The following NFIC variants were observed in gnomAD, a reference collection of about 807,000 sequenced individuals.
The protein encoded by NFIC is nuclear factor I C, also known as nuclear factor 1 C-type.
A neutral mutation model predicts 54.4 loss-of-function variants in NFIC; 12 were observed. The observed-to-expected ratio is 0.22, with a 90% CI of 0.14 to 0.36. The LOEUF is 0.36. NFIC is among the 10% of genes least tolerant of loss of function. The pLI is 1.00. For missense variants in NFIC, 575 were observed against 718.2 expected, an observed-to-expected ratio of 0.80 and a Z score of 2.28; for synonymous variants, 322 against 319.2, an observed-to-expected ratio of 1.01 and a Z score of -0.09.
At chr19:3,404,365 TG>T (rs971878341) in intron 2 of NFIC, among the ~76,000 whole-genome samples, 3 of 152,018 alleles carry the variant, frequency 2.0e-5, no homozygotes, top group African/African-American at 7.2e-5. Context: ...TTTTTAACCT[TG>T]CTCCTCACAT....
intron 3 of NFIC, among the ~76,000 whole-genome samples, chr19:3,425,390 A>G (rs1390860001): frequency 6.6e-6 from 1 of 152,170 alleles, no homozygotes; most frequent in Non-Finnish European, 1.5e-5. Flanking sequence ...TGCTCACCCC[A>G]TGGGAGACCC....
In NFIC at chr19:3,467,747, G is replaced by T. The variant is rs1445848651; in HGVS notation, c.*4978G>T. The T allele has an allele frequency of 3.1e-5, 2 of 63,498 alleles. No individual in the cohort carries two copies. Among genetic ancestry groups the T allele is most frequent in the Non-Finnish European group, 5.2e-5 (2 of 38,148 alleles). The allele number at this position is 63,498 out of a possible 1,614,324, so 3.9% of individuals were successfully genotyped here. ...ATGGTACTTTGACCTCCAGTGTAGG[G>T]CTATACTATACATATATATATATAT... On this transcript the variant is annotated 3_prime_UTR_variant, in exon 11 of 11. Coordinates refer to ENST00000443272, the MANE Select transcript of NFIC (RefSeq NM_001245002.2).
At chr19:3,385,634 G>A (rs1170198449) in intron 2 of NFIC, among the ~76,000 whole-genome samples, 1 of 144,612 alleles carries the variant, frequency 6.9e-6, no homozygotes, top group African/African-American at 2.6e-5. Context: ...GTGCAATGAC[G>A]CAATCTTGGC....
rs1409512426 is a variant in NFIC at position 3,370,416 on chromosome 19, T to C, written c.30+3750T>C. On this transcript the variant is annotated intron_variant, in intron 1 of 10. Coordinates refer to ENST00000443272, the MANE Select transcript of NFIC (RefSeq NM_001245002.2). The surrounding 1 kb of genome is among the most constrained non-coding windows in gnomAD (Gnocchi z 5.2). ...CCCCTCTCTGCGGCGGAGGTGCCTC[T>C]GCGCGCCAGGGCCAAGCGCCCTGTA... Among the ~76,000 whole-genome samples, 2 of 151,964 alleles carry C rather than the reference T, an allele frequency of 1.3e-5. No homozygotes were observed. Among genetic ancestry groups the C allele is most frequent in the Non-Finnish European group, 2.9e-5 (2 of 67,928 alleles).
intron 3 of NFIC, among the ~76,000 whole-genome samples, chr19:3,429,297 A>ACACACACAC (rs2082084834): frequency 1.1e-5 from 1 of 88,316 alleles, no homozygotes; most frequent in Non-Finnish European, 2.6e-5. Context: ...CACACACACT[A>ACACACACAC]GCCAAACACG....
At chr19:3,462,213 C>G (rs1310756135) in intron 10 of NFIC, among the ~76,000 whole-genome samples, 2 of 151,514 alleles carry the variant, frequency 1.3e-5, no homozygotes, top group Non-Finnish European at 2.9e-5. Flanking sequence ...GAAACCCCAT[C>G]TCTACTAAAA....
At chr19:3,424,751 C>T (rs949152415) in intron 2 of NFIC, among the ~76,000 whole-genome samples, 5 of 152,226 alleles carry the variant, frequency 3.3e-5, no homozygotes, top group South Asian at 2.1e-4. Context: ...AGCAAGAAAG[C>T]GGCACAGCTG....
In NFIC at chr19:3,373,145, C is replaced by T. The variant is rs575024435; in HGVS notation, c.30+6479C>T. On this transcript the variant is annotated intron_variant, in intron 1 of 10. Transcript: ENST00000443272. Reference sequence around the variant, plus strand: ...CAGGTGTGAGCCACCGCGCCCGGCCCCTATTTCGTAGTAGACGTGATAGCT... The same window carrying T: ...CAGGTGTGAGCCACCGCGCCCGGCCTCTATTTCGTAGTAGACGTGATAGCT... Among the ~76,000 whole-genome samples the T allele has an allele frequency of 2.0e-5, 3 of 152,258 alleles. No individual in the cohort carries two copies. The South Asian group carries it at 6.2e-4, about 32-fold the overall frequency.
At chr19:3,402,050 T>G (rs923818601) in intron 2 of NFIC, among the ~76,000 whole-genome samples, 4 of 151,044 alleles carry the variant, frequency 2.6e-5, no homozygotes. Flanking sequence ...TTCTTATTTT[T>G]TTTTCTTTTT....
In NFIC at chr19:3,453,729, C is replaced by T. The variant is rs375949453; in HGVS notation, c.1270-34C>T. The T allele has an allele frequency of 1.9e-6, 3 of 1,580,020 alleles. No individual in the cohort carries two copies. Among genetic ancestry groups the T allele is most frequent in the Non-Finnish European group, 1.7e-6 (2 of 1,166,832 alleles). Reference sequence around the variant, plus strand: ...AGCAGCCCGAGGTAGAGGGGGAGCCCACCCCTTAACCACGTGTCTCTCTGT... The same window carrying T: ...AGCAGCCCGAGGTAGAGGGGGAGCCTACCCCTTAACCACGTGTCTCTCTGT... On this transcript the variant is annotated intron_variant, in intron 8 of 10. Transcript: ENST00000443272. This position sits in a 1 kb window ranked among gnomAD's most constrained non-coding sequence, Gnocchi z 6.7.
intron 2 of NFIC, among the ~76,000 whole-genome samples, chr19:3,390,870 G>C (rs2081366923): frequency 6.6e-6 from 1 of 151,908 alleles, no homozygotes. Context: ...CTGGGGAGGG[G>C]GCTGGGGAGA....
rs1263034999 is a variant in NFIC, at chr19:3,459,725, C to T, written c.1510-3027C>T. 2.0e-5 allele frequency among the ~76,000 whole-genome samples: 3 copies of T among 152,320 alleles called. No homozygotes were observed. Among genetic ancestry groups the T allele is most frequent in the Admixed American group, 1.3e-4 (2 of 15,306 alleles). ...GGCTGGTCCACCACGGGGAGGGTCA[C>T]GCCCAGAGTCTGTCGGTTGCCAACA... On this transcript the variant is annotated intron_variant, in intron 10 of 10. Transcript: ENST00000443272. The surrounding 1 kb of genome is among the most constrained non-coding windows in gnomAD (Gnocchi z 4.2).
At chr19:3,431,146 G>A (rs957193197) in intron 3 of NFIC, among the ~76,000 whole-genome samples, 2 of 150,780 alleles carry the variant, frequency 1.3e-5, no homozygotes, top group African/African-American at 2.4e-5. Context: ...TCGCGATCTC[G>A]GCCTGTAGCT....
At chr19:3,425,485 A>C (rs1174719353) in intron 3 of NFIC, among the ~76,000 whole-genome samples, 2 of 152,168 alleles carry the variant, frequency 1.3e-5, no homozygotes, top group African/African-American at 4.8e-5. Context: ...TTTGAGATGG[A>C]GTCTCGCTCT....
chr19:3,464,041 G>A lies in NFIC; in HGVS notation c.*1272G>A, dbSNP rs1010210842. ...CACTTCGCAAGCGTCCTGCCCTGCC[G>A]GGGCGCGGGGGTGGGCTCTGGGGAA... On this transcript the variant is annotated 3_prime_UTR_variant, in exon 11 of 11. Coordinates refer to ENST00000443272, the MANE Select transcript of NFIC (RefSeq NM_001245002.2). The A allele has an allele frequency of 5.1e-6, 5 of 985,070 alleles. No individual in the cohort carries two copies. The highest frequency in any genetic ancestry group is 5.2e-4 in the Middle Eastern group (1 of 1,938). 61.0% of individuals were successfully genotyped at this position (985,070 alleles called of 1,614,324 possible). A position where few individuals can be genotyped will look rare whatever the true frequency, so the allele number is the denominator to read the frequency against.
chr19:3,455,386 C>T (rs958855053), intron 9 of NFIC, among the ~76,000 whole-genome samples: 4 of 150,218 alleles, frequency 2.7e-5, no homozygotes, highest in East Asian at 2.0e-4. Flanking sequence ...ACTCAGGGCT[C>T]GGTGGGATTA....
At chr19:3,427,282 G>T (rs2082041970) in intron 3 of NFIC, among the ~76,000 whole-genome samples, 1 of 152,048 alleles carries the variant, frequency 6.6e-6, no homozygotes, top group Non-Finnish European at 1.5e-5. Context: ...GTTAGTGATT[G>T]CCTATGGATT....
At chr19:3,422,574 G>A (rs10412728) in intron 2 of NFIC, among the ~76,000 whole-genome samples, 136,766 of 151,574 alleles carry the variant, frequency 0.9, 61,807 homozygotes, top group East Asian at 0.93. Flanking sequence ...AAAATTAGCC[G>A]GGCGTGGTGG....
chr19:3,458,801 C>T lies in NFIC; in HGVS notation c.1509+2166C>T, dbSNP rs531101101. On this transcript the variant is annotated intron_variant, in intron 10 of 10. Transcript: ENST00000443272. The surrounding 1 kb of genome is among the most constrained non-coding windows in gnomAD (Gnocchi z 4.1). ...GGTTTAGAGGGAGGGAGTGGACACC[C>T]ACCAGGCCTGGGAGTCAGAACTTTC... is the stretch of plus-strand genomic sequence containing the variant. Among the ~76,000 whole-genome samples the T allele has an allele frequency of 7.9e-5, 12 of 152,018 alleles. No homozygotes were observed. Among genetic ancestry groups the T allele is most frequent in the Non-Finnish European group, 1.6e-4 (11 of 67,966 alleles).
Sources: allele counts gnomAD v4.1 joint callset (sites outside exome capture counted in the v4.1 genomes callset), GRCh38; gene constraint gnomAD v4.1.1; non-coding constraint Gnocchi (gnomAD v3.1); transcripts MANE v1.5; gene names NCBI Gene and HGNC (gene_info 2026-07-23, HGNC 2026-07-21).